KANSL1: variants seen among roughly 807,000 people sequenced by gnomAD.
KANSL1 encodes the protein MLL1/MLL complex subunit KANSL1.
A neutral mutation model predicts 103.6 loss-of-function variants in KANSL1; 22 were observed. That is an observed-to-expected ratio of 0.21 (90% CI 0.15 to 0.30). The LOEUF (loss-of-function observed/expected upper bound fraction) is 0.30, where lower values mean the gene tolerates loss of function less well. KANSL1 is among the 10% of genes least tolerant of loss of function. The pLI, the probability that KANSL1 is intolerant of heterozygous loss-of-function variation, is 1.00. For synonymous variants in KANSL1, 600 were observed against 527.6 expected (o/e 1.14, Z -1.88); for missense variants, 1,337 against 1,399.8 (o/e 0.96, Z 0.72).
At chr17:46,114,808 T>G (rs950933685) in intron 2 of KANSL1, among the ~76,000 whole-genome samples, 1 of 152,250 alleles carries the variant, frequency 6.6e-6, no homozygotes, top group Non-Finnish European at 1.5e-5. Context: ...TTAATCCCAT[T>G]AAGGTTTATC....
chr17:46,136,696 G>A (rs890688662), intron 2 of KANSL1, among the ~76,000 whole-genome samples: 1 of 152,146 alleles, frequency 6.6e-6, no homozygotes, highest in African/African-American at 2.4e-5. Context: ...AAAACAAAAA[G>A]GGAGGAAAAC....
chr17:46,181,469 C>T (rs1718578275), intron 1 of KANSL1, among the ~76,000 whole-genome samples: 1 of 152,044 alleles, frequency 6.6e-6, no homozygotes, highest in Admixed American at 6.6e-5. Context: ...CGCTCTTGTC[C>T]CCCAGGCTGG....
chr17:46,172,422 T>C (rs1448211234), intron 1 of KANSL1, among the ~76,000 whole-genome samples, 190 bp from the exon 2 acceptor site: 1 of 152,128 alleles, frequency 6.6e-6, no homozygotes, highest in Non-Finnish European at 1.5e-5. Context: ...GGAGGCAAAA[T>C]CCCTGCACAA....
chr17:46,168,183 A>T (rs2046099372), intron 2 of KANSL1, among the ~76,000 whole-genome samples: 2 of 152,216 alleles, frequency 1.3e-5, no homozygotes, highest in Admixed American at 1.3e-4. Context: ...AATTAAAGCA[A>T]TGCCTCCATT....
Position 46,039,115 on chromosome 17 carries a change from T to C in KANSL1, c.2304A>G (p.Ala768=), listed in dbSNP as rs2077236499. ...PMVERVTAPK[A]ERLLNPPPPV... ...GTGGTGGTGGGTTGAGCAAGCGCTCTGCTTTTGGCGCTGTCACTCGCTCCA... is the reference window on the plus strand; with the variant it reads ...GTGGTGGTGGGTTGAGCAAGCGCTCCGCTTTTGGCGCTGTCACTCGCTCCA... The change falls in exon 9 of 15, where the codon GCA becomes GCG. Residue 768 remains alanine (A), a synonymous_variant. Coordinates refer to ENST00000432791, the MANE Select transcript of KANSL1 (RefSeq NM_015443.4). 5.6e-6 allele frequency: 9 copies of C among 1,612,688 alleles called. No individual in the cohort carries two copies. The highest frequency in any genetic ancestry group is 6.8e-6 in the Non-Finnish European group (8 of 1,179,782).
chr17:46,071,749 C>G (rs910687339), intron 4 of KANSL1, among the ~76,000 whole-genome samples: 1 of 152,182 alleles, frequency 6.6e-6, no homozygotes, highest in East Asian at 1.9e-4. Flanking sequence ...TTAAGACTCT[C>G]CTACCTAGAA....
At chr17:46,068,737 AAG>A (rs1397756825) in intron 4 of KANSL1, among the ~76,000 whole-genome samples, 1 of 152,232 alleles carries the variant, frequency 6.6e-6, no homozygotes, top group African/African-American at 2.4e-5. Context: ...ACAGATGAGA[AAG>A]AATAGAAAAA....
intron 2 of KANSL1, among the ~76,000 whole-genome samples, chr17:46,158,177 T>G (rs1277906791): frequency 6.6e-6 from 1 of 152,266 alleles, no homozygotes; most frequent in Non-Finnish European, 1.5e-5. Context: ...ACTAAGTACC[T>G]TATTTGTTCT....
At chr17:46,094,800 GAGACTAACTCTAGTGTCAAGAAAA>G in intron 2 of KANSL1, 99 bp from the exon 3 acceptor site, 2 of 1,388,184 alleles carry the variant, frequency 1.4e-6, no homozygotes, top group Non-Finnish European at 2.0e-6. Flanking sequence ...GGCCCTTGCA[GAGACTAACTCTAGTGTCAAGAAAA>G]ACCCAAGAGA....
chr17:46,057,590 A>AT (rs1279942778), intron 6 of KANSL1, among the ~76,000 whole-genome samples: 2 of 152,146 alleles, frequency 1.3e-5, no homozygotes, highest in Non-Finnish European at 2.9e-5. Flanking sequence ...TGATACAAGC[A>AT]TAAGGCGGCC....
At position 46,171,657 on chromosome 17, in the gene KANSL1, T is replaced by C. The variant is rs1000198248; in HGVS notation, c.487A>G (p.Lys163Glu). 1 of 1,553,162 alleles carries C rather than the reference T, an allele frequency of 6.4e-7. No homozygotes were observed. The highest frequency in any genetic ancestry group is 1.4e-5 in the African/African-American group (1 of 72,292). ...PVNGLAKKLTKSSTHSDHDNS... is the reference protein window; with the variant it reads ...PVNGLAKKLTESSTHSDHDNS... Reference sequence around the variant, plus strand: ...TCATGATCAGAATGTGTTGAACTTTTAGTCAATTTCTTAGCCAACCCATTT... The same window carrying C: ...TCATGATCAGAATGTGTTGAACTTTCAGTCAATTTCTTAGCCAACCCATTT... The change falls in exon 2 of 15, where the codon AAA becomes GAA. Residue 163 changes from lysine to glutamate, a missense_variant. This residue lies in a region of KANSL1 where 557 missense variants were observed against 476.4 expected (regional missense o/e 1.17). Transcript: ENST00000432791.
chr17:46,123,070 C>G (rs945778481), intron 2 of KANSL1, among the ~76,000 whole-genome samples: 1 of 152,206 alleles, frequency 6.6e-6, no homozygotes, highest in Non-Finnish European at 1.5e-5. Flanking sequence ...GGTAAAATAG[C>G]TGAAAGAAAA....
chr17:46,142,790 C>T (rs1401171992), intron 2 of KANSL1, among the ~76,000 whole-genome samples: 1 of 152,240 alleles, frequency 6.6e-6, no homozygotes, highest in African/African-American at 2.4e-5. Context: ...TGTTACACTG[C>T]TGGTATGACT....
In KANSL1 at chr17:46,086,457, C is replaced by T. The variant is rs184248282; in HGVS notation, c.1432-3915G>A. ...TTCAGTTAATTAAATCATTTATCCG[C>T]TCATCAGCATTTGTTAGGTACTAAG... On this transcript the variant is annotated intron_variant, in intron 3 of 14. Coordinates refer to ENST00000432791, the MANE Select transcript of KANSL1 (RefSeq NM_015443.4). Among the ~76,000 whole-genome samples, 95 of 152,310 alleles carry T rather than the reference C, an allele frequency of 6.2e-4. No homozygotes were observed. The East Asian group carries it at 0.016, about 26-fold the overall frequency.
intron 7 of KANSL1, among the ~76,000 whole-genome samples, chr17:46,048,711 A>T (rs2077600814): frequency 6.6e-6 from 1 of 152,212 alleles, no homozygotes; most frequent in African/African-American, 2.4e-5. Flanking sequence ...TTCCATCTAG[A>T]ATAGTGGTTT....
At chr17:46,179,565 A>G (rs1411230575) in intron 1 of KANSL1, among the ~76,000 whole-genome samples, 1 of 152,236 alleles carries the variant, frequency 6.6e-6, no homozygotes, top group Non-Finnish European at 1.5e-5. Flanking sequence ...ATTTCTCTAC[A>G]CAAAGGACGG....
intron 7 of KANSL1, chr17:46,049,636 G>A (rs2077641387): frequency 6.6e-6 from 1 of 152,026 alleles, no homozygotes; most frequent in African/African-American, 2.4e-5. Context: ...TACACTCTGG[G>A]GCAAGACCCA....
intron 1 of KANSL1, among the ~76,000 whole-genome samples, chr17:46,215,529 G>A (rs189483356): frequency 3.4e-3 from 514 of 152,320 alleles, no homozygotes; most frequent in African/African-American, 0.012. Context: ...GCAGCCAAAA[G>A]GGCGATGAAG....
At chr17:46,034,759 C>CA (rs1457610466) in intron 10 of KANSL1, 1 of 162,966 alleles carries the variant, frequency 6.1e-6, no homozygotes, top group Non-Finnish European at 1.3e-5. Flanking sequence ...AATACATCAT[C>CA]TAACCTTGGT....
Sources: gnomAD v4.1 joint callset for allele counts (sites outside exome capture counted in the v4.1 genomes callset) on GRCh38, gnomAD v4.1.1 for gene constraint, gnomAD v4.1.1 regional missense constraint, MANE v1.5 for transcripts, NCBI Gene and HGNC (gene_info 2026-07-23, HGNC 2026-07-21) for gene names.